Variants in RIF1 observed in about 807,000 individuals in gnomAD.
RIF1 encodes telomere-associated protein RIF1.
A neutral mutation model predicts 247.1 loss-of-function variants in RIF1; 45 were observed. The ratio of observed to expected loss-of-function variants is 0.18; its 90% CI spans 0.14 to 0.23. The LOEUF (loss-of-function observed/expected upper bound fraction) is 0.23, where lower values mean the gene tolerates loss of function less well. RIF1 is among the 10% of genes least tolerant of loss of function. The pLI, the probability that RIF1 is intolerant of heterozygous loss-of-function variation, is 1.00. For missense variants in RIF1, 2,967 were observed against 2,862.5 expected (o/e 1.04, Z -0.83); for synonymous variants, 1,087 against 978.8 (o/e 1.11, Z -2.06).
intron 20 of RIF1, 140 bp downstream of exon 20, chr2:151,446,715 T>C (rs915085426): frequency 4.5e-5 from 39 of 858,844 alleles, no homozygotes; most frequent in Non-Finnish European, 7.1e-5. Context: ...ACAAGTATGC[T>C]TTGTGTAACA....
At chr2:151,450,561 C>T (rs1264956245) in intron 20 of RIF1, among the ~76,000 whole-genome samples, 1 of 151,776 alleles carries the variant, frequency 6.6e-6, no homozygotes, top group African/African-American at 2.4e-5. Context: ...TCAAATGTGT[C>T]TTTAAAAACA....
At chr2:151,420,032 G>C (rs780365168) in intron 6 of RIF1, among the ~76,000 whole-genome samples, 158 bp from the exon 7 acceptor site, 1 of 152,118 alleles carries the variant, frequency 6.6e-6, no homozygotes, top group Non-Finnish European at 1.5e-5. Flanking sequence ...GTGCAAATTC[G>C]TAAAAATAAG....
In RIF1 at chr2:151,478,383, G is replaced by GCT. The variant is rs1559043592; in HGVS notation, c.*3312_*3313insCT. The GCT allele has an allele frequency of 6.6e-6, 1 of 152,088 alleles. No homozygotes were observed. The highest frequency in any genetic ancestry group is 1.5e-5 in the Non-Finnish European group (1 of 68,054). 9.4% of individuals were successfully genotyped at this position (152,088 alleles called of 1,614,324 possible). A position where few individuals can be genotyped will look rare whatever the true frequency, so the allele number is the denominator to read the frequency against. ...TACTTGTAATCTCAGCTACTCAGGAGGCTGAGACATGAGAATTGCTTGAAC... is the reference window on the plus strand; with the variant it reads ...TACTTGTAATCTCAGCTACTCAGGAGCTGCTGAGACATGAGAATTGCTTGAAC... On this transcript the variant is annotated 3_prime_UTR_variant, in exon 36 of 36. Transcript: ENST00000444746.
intron 11 of RIF1, chr2:151,501,285 AAG>A: frequency 1.3e-6 from 1 of 758,212 alleles, no homozygotes; most frequent in Non-Finnish European, 2.1e-6. Context: ...TGATTAAAAA[AAG>A]ATTTTGTTAA....
chr2:151,513,726 C>T, the RIF1 span: 2 of 1,417,504 alleles, frequency 1.4e-6, no homozygotes, highest in South Asian at 1.2e-5. Context: ...AAAAAAGGTA[C>T]CTAAATGCTA....
At chr2:151,495,003 T>TATC (rs2059280637) in intron 9 of RIF1, 1 of 152,294 alleles carries the variant, frequency 6.6e-6, no homozygotes, top group African/African-American at 2.4e-5. Context: ...CTCATAGACA[T>TATC]ATCAGTAAAA....
intron 9 of RIF1, among the ~76,000 whole-genome samples, chr2:151,490,955 G>A (rs553901242): frequency 6.6e-6 from 1 of 152,158 alleles, no homozygotes; most frequent in South Asian, 2.1e-4. Flanking sequence ...GCACATGTCA[G>A]AATGCAACCA....
At chr2:151,518,173 A>C in the RIF1 span, 1 of 684,680 alleles carries the variant, frequency 1.5e-6, no homozygotes, top group Non-Finnish European at 2.7e-6. Context: ...TAACATAAGA[A>C]TTTGTTTCAA....
chr2:151,467,199 A>C (rs774218590), intron 30 of RIF1, among the ~76,000 whole-genome samples: 1 of 152,092 alleles, frequency 6.6e-6, no homozygotes, highest in Non-Finnish European at 1.5e-5. Flanking sequence ...ACTGCACTCC[A>C]GCCTGGCGAC....
intron 27 of RIF1, 49 bp from the exon 28 acceptor site, chr2:151,462,193 T>G: frequency 7.8e-7 from 1 of 1,286,770 alleles, no homozygotes; most frequent in Non-Finnish European, 1.1e-6. Context: ...TTTCTAATTG[T>G]AAGAATATCA....
intron 13 of RIF1, among the ~76,000 whole-genome samples, 154 bp from the exon 14 acceptor site, chr2:151,438,530 T>C (rs1213233123): frequency 6.6e-6 from 1 of 152,246 alleles, no homozygotes; most frequent in Non-Finnish European, 1.5e-5. Flanking sequence ...TAGTGTTTTA[T>C]AAACTTACTA....
downstream of RIF1, chr2:151,485,823 A>T (rs749003938): frequency 6.2e-7 from 1 of 1,614,106 alleles, no homozygotes; most frequent in Admixed American, 1.7e-5. Flanking sequence ...GCACAGTGCC[A>T]TACATCCAGC....
chr2:151,484,401 G>T (rs2049367915), downstream of RIF1, among the ~76,000 whole-genome samples: 1 of 152,242 alleles, frequency 6.6e-6, no homozygotes, highest in African/African-American at 2.4e-5. Flanking sequence ...TTCAAGACCA[G>T]TCTGGCCAAT....
chr2:151,531,214 A>G, the RIF1 span: 4 of 712,962 alleles, frequency 5.6e-6, no homozygotes, highest in Middle Eastern at 7.1e-4. Context: ...AATTCTATGA[A>G]TTTGACAGGT....
chr2:151,439,930 G>T (rs1345820358), intron 14 of RIF1, 97 bp from the exon 15 acceptor site: 5 of 583,798 alleles, frequency 8.6e-6, no homozygotes, highest in African/African-American at 2.2e-5. Flanking sequence ...CCAAGGTTGT[G>T]CCCCTGTACC....
At chr2:151,467,231 G>GA (rs888236132) in intron 30 of RIF1, among the ~76,000 whole-genome samples, 18 of 150,220 alleles carry the variant, frequency 1.2e-4, no homozygotes, top group African/African-American at 2.9e-4. Flanking sequence ...CTCAAAAAAA[G>GA]AAAAAAAAAT....
Position 151,428,819 on chromosome 2 carries a change from C to T in RIF1, c.822C>T (p.Leu274=), listed in dbSNP as rs760411863. ...GAAGTGGGAGTTTCATCAATTCTCT[C>T]TTGCAACTAGAAGAACTTGGATTTC... ...LHRSGSFINS[L]LQLEELGFRS... The change falls in exon 9 of 36, where the codon CTC becomes CTT. Residue 274 remains leucine, a synonymous_variant. Transcript: ENST00000444746. 9 of 1,600,478 alleles carry T rather than the reference C, an allele frequency of 5.6e-6. No individual in the cohort carries two copies. The highest frequency in any genetic ancestry group is 1.7e-4 in the Middle Eastern group (1 of 6,034).
In RIF1 at chr2:151,455,217, G is replaced by A. The variant is rs1028539769; in HGVS notation, c.2609+58G>A. The A allele has an allele frequency of 3.3e-5, 44 of 1,326,400 alleles. No homozygotes were observed. The East Asian group carries it at 8.5e-4, about 26-fold the overall frequency. The allele number at this position is 1,326,400 out of a possible 1,614,324, so 82.2% of individuals were successfully genotyped here. ...AATGTATACAATTTAAATATAGGTA[G>A]CAACTTTTATTTTTTAATCAGCTGT... On this transcript the variant is annotated intron_variant, in intron 22 of 35. Transcript: ENST00000444746.
chr2:151,460,365 T>A (rs906979468), intron 26 of RIF1, among the ~76,000 whole-genome samples: 13 of 152,204 alleles, frequency 8.5e-5, no homozygotes, highest in African/African-American at 3.1e-4. Context: ...ATGTAGTTAT[T>A]CCAGGCAGCA....
Sources: allele counts gnomAD v4.1 joint callset (sites outside exome capture counted in the v4.1 genomes callset), GRCh38; gene constraint gnomAD v4.1.1; transcripts MANE v1.5; gene names NCBI Gene and HGNC (gene_info 2026-07-23, HGNC 2026-07-21).